Variants in TMTC2 observed in about 807,000 individuals in gnomAD.
The protein encoded by TMTC2 is protein O-mannosyl-transferase TMTC2.
Under a neutral mutation model 82.4 loss-of-function variants are expected in TMTC2, and 43 were observed. The ratio of observed to expected loss-of-function variants is 0.52; its 90% CI spans 0.41 to 0.67. The LOEUF is 0.67. Among genes scored for constraint, TMTC2 ranks in the 30% least tolerant of loss-of-function variants. TMTC2 has a pLI of 0.00. For missense variants in TMTC2, 919 were observed against 1,012.4 expected, an observed-to-expected ratio of 0.91 and a Z score of 1.25; for synonymous variants, 408 against 381.9, an observed-to-expected ratio of 1.07 and a Z score of -0.80.
chr12:82,788,892 G>A (rs1014644249), intron 1 of TMTC2, among the ~76,000 whole-genome samples: 9 of 152,104 alleles, frequency 5.9e-5, no homozygotes, highest in South Asian at 2.1e-4. Flanking sequence ...CTGGCCTGGA[G>A]GAGTGGCTCA....
intron 1 of TMTC2, among the ~76,000 whole-genome samples, chr12:82,815,066 G>C (rs1445809457): frequency 6.6e-6 from 1 of 152,000 alleles, no homozygotes. Flanking sequence ...GGCATTTTCT[G>C]ATAGTAGTGT....
intron 1 of TMTC2, among the ~76,000 whole-genome samples, chr12:82,740,998 C>T (rs1719536354): frequency 1.3e-5 from 2 of 152,198 alleles, no homozygotes; most frequent in African/African-American, 4.8e-5. Context: ...CACTCTTACC[C>T]CAGCGCTCCT....
intron 1 of TMTC2, among the ~76,000 whole-genome samples, chr12:82,730,296 CAA>C (rs368959079): frequency 2.5e-3 from 198 of 78,978 alleles, no homozygotes; most frequent in African/African-American, 9.6e-3. Flanking sequence ...CTCTGTCTCT[CAA>C]AAAAAAAAAA....
Position 82,949,823 on chromosome 12 carries a change from G to A in TMTC2, c.1599-15201G>A, listed in dbSNP as rs1565824079. 3.9e-5 allele frequency among the ~76,000 whole-genome samples: 6 copies of A among 152,232 alleles called. No homozygotes were observed. The South Asian group carries it at 1.2e-3, about 32-fold the overall frequency. On this transcript the variant is annotated intron_variant, in intron 4 of 11. Coordinates refer to ENST00000321196, the MANE Select transcript of TMTC2 (RefSeq NM_152588.3). ...TATGTCTTATCTCACTGGCAACCACGTCCATGAAGAGGAGTGAGTCCAAAG... is the reference window on the plus strand; with the variant it reads ...TATGTCTTATCTCACTGGCAACCACATCCATGAAGAGGAGTGAGTCCAAAG...
intron 7 of TMTC2, among the ~76,000 whole-genome samples, chr12:82,980,934 G>T (rs1221670477): frequency 6.6e-6 from 1 of 151,762 alleles, no homozygotes; most frequent in Non-Finnish European, 1.5e-5. Context: ...AAAGGTTTTT[G>T]TTGTTTTTGT....
At chr12:82,816,825 A>G (rs1565762962) in intron 1 of TMTC2, among the ~76,000 whole-genome samples, 1 of 152,154 alleles carries the variant, frequency 6.6e-6, no homozygotes, top group Non-Finnish European at 1.5e-5. Context: ...AATATTGGAT[A>G]AAATTTGTGT....
At chr12:83,098,537 C>G (rs1393293536) in intron 11 of TMTC2, among the ~76,000 whole-genome samples, 1 of 152,136 alleles carries the variant, frequency 6.6e-6, no homozygotes, top group Admixed American at 6.5e-5. Flanking sequence ...TGTATCTTTC[C>G]AAAACACATG....
At chr12:83,105,852 A>G (rs543024538) in intron 11 of TMTC2, among the ~76,000 whole-genome samples, 1 of 152,242 alleles carries the variant, frequency 6.6e-6, no homozygotes, top group Non-Finnish European at 1.5e-5. Flanking sequence ...AATTTGTTAA[A>G]GAAAACACGG....
intron 8 of TMTC2, among the ~76,000 whole-genome samples, chr12:82,998,234 G>A (rs1879753871): frequency 6.6e-6 from 1 of 152,050 alleles, no homozygotes; most frequent in South Asian, 2.1e-4. Flanking sequence ...GATATGATGG[G>A]TGGACGGAGA....
rs1379356293 is a variant in TMTC2 at position 82,687,173 on chromosome 12, C to T, written c.-414C>T. On this transcript the variant is annotated 5_prime_UTR_variant, in exon 1 of 12. Transcript: ENST00000321196. Reference sequence around the variant, plus strand: ...GCTGGTCCCAGAGCCCGGCTTGGTCCGGTCCCTCTGCCCCCATCCCGCACC... The same window carrying T: ...GCTGGTCCCAGAGCCCGGCTTGGTCTGGTCCCTCTGCCCCCATCCCGCACC... 1.1e-5 allele frequency: 2 copies of T among 189,782 alleles called. No homozygotes were observed. Among genetic ancestry groups the T allele is most frequent in the Non-Finnish European group, 1.1e-5 (1 of 90,362 alleles). The allele number at this position is 189,782 out of a possible 1,614,324, so 11.8% of individuals were successfully genotyped here.
chr12:82,801,931 A>T (rs1236159665), intron 1 of TMTC2, among the ~76,000 whole-genome samples: 2 of 152,080 alleles, frequency 1.3e-5, no homozygotes, highest in African/African-American at 4.8e-5. Flanking sequence ...AGACATAAAG[A>T]TTCTCTCAGG....
intron 8 of TMTC2, among the ~76,000 whole-genome samples, chr12:82,990,156 A>G (rs551161419): frequency 6.6e-6 from 1 of 152,218 alleles, no homozygotes; most frequent in Admixed American, 6.5e-5. Flanking sequence ...GAAGAGGAAT[A>G]GAAATTGAGT....
intron 8 of TMTC2, among the ~76,000 whole-genome samples, chr12:83,018,871 G>C (rs544563773): frequency 6.6e-6 from 1 of 152,166 alleles, no homozygotes; most frequent in African/African-American, 2.4e-5. Flanking sequence ...AGCATTCTTC[G>C]TGCATCTTTG....
At chr12:82,789,545 C>T (rs376752159) in intron 1 of TMTC2, among the ~76,000 whole-genome samples, 3 of 151,920 alleles carry the variant, frequency 2.0e-5, no homozygotes, top group East Asian at 1.9e-4. Flanking sequence ...AAATGCCACC[C>T]GATTTAAATT....
rs372074198 is a variant in TMTC2 at position 82,917,768 on chromosome 12, AT to A, written c.1484-12656del. On this transcript the variant is annotated intron_variant, in intron 3 of 11. Coordinates refer to ENST00000321196, the MANE Select transcript of TMTC2 (RefSeq NM_152588.3). Reference sequence around the variant, plus strand: ...AGGCCCCTGCCACCAGGCCCGGCTAATTTTTTTGTATTTTTAGTAGAGACAG... The same window carrying A: ...AGGCCCCTGCCACCAGGCCCGGCTAATTTTTTGTATTTTTAGTAGAGACAG... 0.014 allele frequency among the ~76,000 whole-genome samples: 2,078 copies of A among 151,752 alleles called. 71 individuals are homozygous for A. The East Asian group carries it at 0.16, about 11-fold the overall frequency.
intron 11 of TMTC2, among the ~76,000 whole-genome samples, chr12:83,097,336 A>C (rs1884063669): frequency 6.6e-6 from 1 of 152,258 alleles, no homozygotes; most frequent in Non-Finnish European, 1.5e-5. Context: ...ACATGCAAAC[A>C]CAAATGAAAG....
chr12:82,993,581 C>G (rs1879490065), intron 8 of TMTC2, among the ~76,000 whole-genome samples: 1 of 151,998 alleles, frequency 6.6e-6, no homozygotes, highest in Non-Finnish European at 1.5e-5. Flanking sequence ...TAAAATTTAT[C>G]AAAATTTATG....
At chr12:82,902,984 A>G (rs901159083) in intron 3 of TMTC2, among the ~76,000 whole-genome samples, 1 of 152,198 alleles carries the variant, frequency 6.6e-6, no homozygotes, top group Non-Finnish European at 1.5e-5. Flanking sequence ...GACCCTGTGT[A>G]TACTCACCAG....
intron 3 of TMTC2, among the ~76,000 whole-genome samples, chr12:82,908,648 A>G (rs901036782): frequency 2.6e-5 from 4 of 152,248 alleles, no homozygotes; most frequent in African/African-American, 7.2e-5. Context: ...TTTTAAAATC[A>G]ATGATCTTAA....
Sources: allele counts gnomAD v4.1 joint callset (sites outside exome capture counted in the v4.1 genomes callset), GRCh38; gene constraint gnomAD v4.1.1; transcripts MANE v1.5; gene names NCBI Gene and HGNC (gene_info 2026-07-23, HGNC 2026-07-21).